Variants in BOD1L1 observed in about 807,000 individuals in gnomAD.
BOD1L1 encodes the protein biorientation of chromosomes in cell division 1 like 1.
Under a neutral mutation model 240.7 loss-of-function variants are expected in BOD1L1, and 86 were observed. That is an observed-to-expected ratio of 0.36 (90% confidence interval 0.30 to 0.43). BOD1L1 has a LOEUF of 0.43. BOD1L1 is among the 20% of genes least tolerant of loss of function. The pLI is 1.00. For missense variants in BOD1L1, 3,554 were observed against 3,643.5 expected, an observed-to-expected ratio of 0.98 and a Z score of 0.63; for synonymous variants, 1,268 against 1,272.3, an observed-to-expected ratio of 1.00 and a Z score of 0.07.
At chr4:13,586,579 T>C (rs1577324828) in intron 16 of BOD1L1, 104 bp from the exon 17 acceptor site, 7 of 632,690 alleles carry the variant, frequency 1.1e-5, no homozygotes, top group African/African-American at 5.6e-5. Flanking sequence ...CTTAGGCCTG[T>C]GATACAGAGA....
chr4:13,619,829 C>CA, intron 2 of BOD1L1, 114 bp downstream of exon 2: 2 of 1,307,718 alleles, frequency 1.5e-6, no homozygotes, highest in Non-Finnish European at 2.1e-6. Flanking sequence ...ACACCAAATC[C>CA]AGTAAAATTG....
At chr4:13,578,451 C>T (rs1468654280) in intron 22 of BOD1L1, among the ~76,000 whole-genome samples, 1 of 152,144 alleles carries the variant, frequency 6.6e-6, no homozygotes, top group Non-Finnish European at 1.5e-5. Context: ...TAGGAATGCT[C>T]AACTGGGAAA....
Position 13,597,137 on chromosome 4 carries a change from T to C in BOD1L1, c.7986A>G (p.Gly2662=), listed in dbSNP as rs1200488446. Residue 2662 remains glycine (G), a synonymous_variant, in exon 11 of 26, where the codon GGA becomes GGG. Transcript: ENST00000040738. ...TCAAGTTGGCTTTCAGTTTCAATCC[T>C]CCCAAAACATTCAATGGAGACTCTT... is the stretch of plus-strand genomic sequence containing the variant. The part of the protein sequence containing the change: ...GNEESPLNVL[G]GLKLKANLKM... 6.3e-7 allele frequency: 1 copy of C among 1,595,794 alleles called. No homozygotes were observed. Among genetic ancestry groups the C allele is most frequent in the African/African-American group, 1.3e-5 (1 of 74,924 alleles).
chr4:13,603,615 G>A lies in BOD1L1; in HGVS notation c.3285C>T (p.Ser1095=), dbSNP rs138078628. ...GEEKLAANTL[S]TPSGSSLQRP... is the part of the protein sequence containing the mutation. ...TCTGAAGGGAGGAACCGCTGGGAGT[G>A]CTCAAAGTGTTTGCTGCTAATTTTT... The change falls in exon 10 of 26, where the codon AGC becomes AGT. Residue 1095 remains serine (S), a synonymous_variant. Coordinates refer to ENST00000040738, the MANE Select transcript of BOD1L1 (RefSeq NM_148894.3). The A allele has an allele frequency of 1.2e-6, 2 of 1,613,894 alleles. No homozygotes were observed. The highest frequency in any genetic ancestry group is 2.7e-5 in the African/African-American group (2 of 75,014).
chr4:13,604,352 T>A lies in BOD1L1; in HGVS notation c.2548A>T (p.Ile850Phe), dbSNP rs760317781. The A allele has an allele frequency of 1.1e-5, 17 of 1,581,316 alleles. No individual in the cohort carries two copies. In the African/African-American group the frequency reaches 2.3e-4, roughly 22 times the overall value. The change falls in exon 10 of 26, where the codon ATT becomes TTT. Residue 850 changes from isoleucine to phenylalanine, a missense_variant. Coordinates refer to ENST00000040738, the MANE Select transcript of BOD1L1 (RefSeq NM_148894.3). ...TTGGAACCCAGAGAATCTTTCTGAA[T>A]TTTAGAATCACTTGACCTTCTTGAT... ...HKSRRSSDSK[I>F]QKDSLGSKQH...
intron 14 of BOD1L1, among the ~76,000 whole-genome samples, 169 bp downstream of exon 14, chr4:13,590,216 GT>G (rs1486522132): frequency 6.6e-6 from 1 of 152,150 alleles, no homozygotes; most frequent in East Asian, 1.9e-4. Flanking sequence ...CCTAAGACTC[GT>G]TCTCCTCAAC....
chr4:13,580,824 T>C (rs1325143777), intron 21 of BOD1L1, among the ~76,000 whole-genome samples, 196 bp downstream of exon 21: 1 of 152,142 alleles, frequency 6.6e-6, no homozygotes, highest in African/African-American at 2.4e-5. Flanking sequence ...TGAATTAGAA[T>C]GGAATCAGAA....
At position 13,602,685 on chromosome 4, in the gene BOD1L1, G is replaced by C. The variant is rs1715305726; in HGVS notation, c.4215C>G (p.Gly1405=). The change falls in exon 10 of 26, where the codon GGC becomes GGG. Residue 1405 remains glycine (G), a synonymous_variant. Transcript: ENST00000040738. ...TTTCTTTCTTGGCCATGTCCACTAA[G>C]CCACCTTCTTTGGTAATATTCTCAT... ...VENENITKEG[G]LVDMAKKEND... The C allele has an allele frequency of 6.2e-7, 1 of 1,613,984 alleles. No homozygotes were observed. Among genetic ancestry groups the C allele is most frequent in the Non-Finnish European group, 8.5e-7 (1 of 1,179,888 alleles).
At chr4:13,592,694 T>C (rs1050796398) in intron 12 of BOD1L1, 5 of 152,208 alleles carry the variant, frequency 3.3e-5, no homozygotes, top group Admixed American at 1.3e-4. Flanking sequence ...CATGTCAGTA[T>C]AAATGACTTA....
At position 13,600,567 on chromosome 4, in the gene BOD1L1, G is replaced by A; in HGVS notation, c.6333C>T (p.Thr2111=). 6.2e-7 allele frequency: 1 copy of A among 1,613,432 alleles called. No homozygotes were observed. Among genetic ancestry groups the A allele is most frequent in the Non-Finnish European group, 8.5e-7 (1 of 1,179,724 alleles). ...TEENMEGTRV[T]TEEFEAPMPS... ...GCATGGGGGCCTCAAATTCTTCTGT[G>A]GTTACTCTGGTACCTTCCATATTTT... is the stretch of plus-strand genomic sequence containing the variant. Residue 2111 remains threonine (T), a synonymous_variant, in exon 10 of 26, where the codon ACC becomes ACT. Transcript: ENST00000040738.
chr4:13,610,533 T>C (rs1663360004), intron 6 of BOD1L1, among the ~76,000 whole-genome samples: 1 of 152,208 alleles, frequency 6.6e-6, no homozygotes, highest in Admixed American at 6.5e-5. Flanking sequence ...CAAAACTTTG[T>C]TTCATGCACC....
chr4:13,585,386 AAGAG>A (rs1359158771), intron 17 of BOD1L1, among the ~76,000 whole-genome samples: 3 of 152,178 alleles, frequency 2.0e-5, no homozygotes, highest in Non-Finnish European at 2.9e-5. Context: ...AAATTAGAGA[AAGAG>A]AGAGGAAAAG....
In BOD1L1 at chr4:13,602,278, G is replaced by C; in HGVS notation, c.4622C>G (p.Thr1541Ser). 1 of 1,614,008 alleles carries C rather than the reference G, an allele frequency of 6.2e-7. No homozygotes were observed. The highest frequency in any genetic ancestry group is 8.5e-7 in the Non-Finnish European group (1 of 1,179,902). Residue 1541 changes from threonine (T) to serine (S), a missense_variant, in exon 10 of 26, where the codon ACT becomes AGT. Transcript: ENST00000040738. ...SPVKAGPATT[T>S]SSETRQSEVA... is the part of the protein sequence containing the mutation. ...CTCACTTTGTCTTGTTTCTGAAGAA[G>C]TGGTTGTGGCAGGCCCAGCCTTCAC...
intron 2 of BOD1L1, among the ~76,000 whole-genome samples, chr4:13,619,567 T>C (rs1223927494): frequency 1.3e-5 from 2 of 152,202 alleles, no homozygotes; most frequent in Non-Finnish European, 2.9e-5. Flanking sequence ...CAGTAATCTT[T>C]AATGTCTTTA....
At position 13,577,495 on chromosome 4, in the gene BOD1L1, C is replaced by G. The variant is rs1712855651; in HGVS notation, c.8800-8G>C. 1 of 1,612,664 alleles carries G rather than the reference C, an allele frequency of 6.2e-7. No homozygotes were observed. The highest frequency in any genetic ancestry group is 1.3e-5 in the African/African-American group (1 of 75,022). On this transcript the variant is annotated splice_region_variant and splice_polypyrimidine_tract_variant and intron_variant, in intron 23 of 25. Transcript: ENST00000040738. The stretch of plus-strand genomic sequence containing the variant: ...TTTTTCTTCACCATCATCCTAGAAG[C>G]AATAAAATTAAAGTCAAAAGGGTGG...
rs773369997 is a variant in BOD1L1 at position 13,599,960 on chromosome 4, C to G, written c.6940G>C (p.Asp2314His). Residue 2314 changes from aspartate to histidine, a missense_variant, in exon 10 of 26, where the codon GAT becomes CAT. Physicochemically the swap from Asp to His is moderately conservative, Grantham distance 81 (BLOSUM62 -1). This residue lies in a region of BOD1L1 where 3,393 missense variants were observed against 3,427.1 expected (regional missense o/e 0.99). Transcript: ENST00000040738. ...VMIGAVLQDEDRLTITRVEDL... is the reference protein window; with the variant it reads ...VMIGAVLQDEHRLTITRVEDL... ...TCTACTCTTGTGATGGTGAGCCGATCTTCATCCTGGAGGACAGCACCAATC... is the reference window on the plus strand; with the variant it reads ...TCTACTCTTGTGATGGTGAGCCGATGTTCATCCTGGAGGACAGCACCAATC... The G allele has an allele frequency of 1.2e-6, 2 of 1,612,406 alleles. No individual in the cohort carries two copies. Among genetic ancestry groups the G allele is most frequent in the African/African-American group, 2.7e-5 (2 of 74,914 alleles).
Position 13,602,461 on chromosome 4 carries a change from C to T in BOD1L1, c.4439G>A (p.Ser1480Asn). Residue 1480 changes from serine (S) to asparagine (N), a missense_variant, in exon 10 of 26, where the codon AGT becomes AAT. Coordinates refer to ENST00000040738, the MANE Select transcript of BOD1L1 (RefSeq NM_148894.3). Reference protein sequence around the residue: ...SIDVERRNENSEVDTSAGSGS... With the variant: ...SIDVERRNENNEVDTSAGSGS... ...ACTTCCAGCACTGGTGTCTACCTCACTGTTTTCATTCCTTCTTTCAACATC... is the reference window on the plus strand; with the variant it reads ...ACTTCCAGCACTGGTGTCTACCTCATTGTTTTCATTCCTTCTTTCAACATC... 1.2e-6 allele frequency: 2 copies of T among 1,614,008 alleles called. No individual in the cohort carries two copies. The highest frequency in any genetic ancestry group is 1.7e-6 in the Non-Finnish European group (2 of 1,179,878).
chr4:13,602,736 A>G lies in BOD1L1; in HGVS notation c.4164T>C (p.Ser1388=). The change falls in exon 10 of 26, where the codon AGT becomes AGC. Residue 1388 remains serine, a synonymous_variant. Coordinates refer to ENST00000040738, the MANE Select transcript of BOD1L1 (RefSeq NM_148894.3). Reference sequence around the variant, plus strand: ...TTTCCACAATCACGCCCGTTAACTTACTTCCAAGAGGCATGATTACCTTTC... The same window carrying G: ...TTTCCACAATCACGCCCGTTAACTTGCTTCCAAGAGGCATGATTACCTTTC... ...KQGKVIMPLG[S]KLTGVIVENE... The G allele has an allele frequency of 1.9e-6, 3 of 1,614,008 alleles. No individual in the cohort carries two copies. Among genetic ancestry groups the G allele is most frequent in the Non-Finnish European group, 2.5e-6 (3 of 1,179,892 alleles).
Position 13,600,421 on chromosome 4 carries a change from G to T in BOD1L1, c.6479C>A (p.Thr2160Lys). The T allele has an allele frequency of 6.2e-7, 1 of 1,613,922 alleles. No homozygotes were observed. Among genetic ancestry groups the T allele is most frequent in the South Asian group, 1.1e-5 (1 of 91,074 alleles). ...EEFELPISSA[T>K]TIKCAESLQP... is the part of the protein sequence containing the mutation. ...AAGACTTTCAGCACACTTGATGGTT[G>T]TTGCACTGGAGATAGGCAATTCGAA... Residue 2160 changes from threonine (T) to lysine (K), a missense_variant, in exon 10 of 26, where the codon ACA becomes AAA. Thr to Lys is a moderately conservative substitution (Grantham distance 78). Around this residue, in one of 2 missense-constraint regions of BOD1L1, gnomAD observed 3,393 missense variants for 3,427.1 expected, o/e 0.99. Coordinates refer to ENST00000040738, the MANE Select transcript of BOD1L1 (RefSeq NM_148894.3).
Sources: allele counts gnomAD v4.1 joint callset (sites outside exome capture counted in the v4.1 genomes callset), GRCh38; gene constraint gnomAD v4.1.1; regional missense constraint gnomAD v4.1.1; transcripts MANE v1.5; gene names NCBI Gene and HGNC (gene_info 2026-07-23, HGNC 2026-07-21).